SBF2: variants seen among roughly 807,000 people sequenced by gnomAD.
SBF2 encodes SET binding factor 2.
Under a neutral mutation model 225.2 loss-of-function variants are expected in SBF2, and 112 were observed. The observed-to-expected ratio is 0.50, with a 90% CI of 0.43 to 0.58. The LOEUF is 0.58. Among genes scored for constraint, SBF2 ranks in the 20% least tolerant of loss-of-function variants. The probability of loss-of-function intolerance (pLI) is 0.00; values close to 1 mark genes in which losing one functional copy is unlikely to be tolerated. For missense variants in SBF2, 1,996 were observed against 2,206.2 expected (o/e 0.90, Z 1.91); for synonymous variants, 763 against 773.3 (o/e 0.99, Z 0.22).
chr11:10,021,083 A>G (rs185457271), intron 6 of SBF2, among the ~76,000 whole-genome samples: 1 of 152,288 alleles, frequency 6.6e-6, no homozygotes, highest in East Asian at 1.9e-4. Context: ...TAACTGTGGA[A>G]ACAAAGTGTT....
intron 2 of SBF2, among the ~76,000 whole-genome samples, chr11:10,185,871 A>T (rs72861738): frequency 6.6e-6 from 1 of 152,030 alleles, no homozygotes; most frequent in African/African-American, 2.4e-5. Flanking sequence ...TCATACATAC[A>T]CATATATATA....
chr11:9,812,236 A>T (rs1266749264), intron 30 of SBF2, among the ~76,000 whole-genome samples: 1 of 152,190 alleles, frequency 6.6e-6, no homozygotes. Context: ...ATACATGCTG[A>T]TTAAATTTAC....
At chr11:10,028,650 A>G (rs1390545343) in intron 5 of SBF2, 93 bp from the exon 6 acceptor site, 1 of 840,830 alleles carries the variant, frequency 1.2e-6, no homozygotes, top group East Asian at 2.4e-5. Context: ...TTTAGAGCAA[A>G]CGACCATGTA....
In SBF2 at chr11:9,845,722, C is replaced by T. The variant is rs771521208; in HGVS notation, c.2953G>A (p.Asp985Asn). 6.2e-7 allele frequency: 1 copy of T among 1,613,896 alleles called. No individual in the cohort carries two copies. The highest frequency in any genetic ancestry group is 8.5e-7 in the Non-Finnish European group (1 of 1,179,782). ...ACTACTTCTGGACTGACTTCTTCATCAAATGCTACCTTAATCAACTAGAAG... is the reference window on the plus strand; with the variant it reads ...ACTACTTCTGGACTGACTTCTTCATTAAATGCTACCTTAATCAACTAGAAG... ...ASFQLIKVAF[D>N]EEVSPEVVEI... The change falls in exon 24 of 40, where the codon GAT becomes AAT. Residue 985 changes from aspartate to asparagine, a missense_variant. By Grantham distance (23) the Asp-to-Asn change is conservative. Coordinates refer to ENST00000256190, the MANE Select transcript of SBF2 (RefSeq NM_030962.4).
intron 17 of SBF2, among the ~76,000 whole-genome samples, chr11:9,880,328 G>A (rs2134080744): frequency 6.6e-6 from 1 of 152,182 alleles, no homozygotes; most frequent in East Asian, 1.9e-4. Flanking sequence ...AAACTGAAGA[G>A]GTTTTACATA....
intron 32 of SBF2, among the ~76,000 whole-genome samples, chr11:9,799,956 G>T (rs1310482829): frequency 2.6e-5 from 4 of 152,166 alleles, no homozygotes; most frequent in Non-Finnish European, 5.9e-5. Flanking sequence ...ATAAGCTGTT[G>T]GCCGGGCATA....
At chr11:10,227,415 G>A (rs112735877) in intron 1 of SBF2, among the ~76,000 whole-genome samples, 59,993 of 151,834 alleles carry the variant, frequency 0.4, 12,873 homozygotes, top group Non-Finnish European at 0.48. Flanking sequence ...GTCCTGAATG[G>A]TATTGCCTAG....
At chr11:9,956,879 A>G (rs1866208742) in intron 16 of SBF2, 1 of 152,202 alleles carries the variant, frequency 6.6e-6, no homozygotes, top group Non-Finnish European at 1.5e-5. Context: ...GGGATACAAA[A>G]TTTCAAGTGT....
chr11:10,247,425 A>C (rs1331233025), intron 1 of SBF2, among the ~76,000 whole-genome samples: 1 of 151,996 alleles, frequency 6.6e-6, no homozygotes, highest in East Asian at 1.9e-4. Context: ...TCATACCTGT[A>C]ATGCCAGCAT....
chr11:9,936,273 G>T (rs533904507), intron 16 of SBF2, among the ~76,000 whole-genome samples: 204 of 152,324 alleles, frequency 1.3e-3, no homozygotes, highest in African/African-American at 4.7e-3. Flanking sequence ...ACACCAGTTA[G>T]AATGGTGATC....
At chr11:10,010,298 A>G (rs1209608542) in intron 6 of SBF2, among the ~76,000 whole-genome samples, 1 of 152,164 alleles carries the variant, frequency 6.6e-6, no homozygotes, top group African/African-American at 2.4e-5. Context: ...TTGGTGTTTT[A>G]GACATGAAGT....
rs369684158 is a variant in SBF2 at position 9,815,113 on chromosome 11, T to C, written c.3978+1727A>G. Among the ~76,000 whole-genome samples, 21 of 152,146 alleles carry C rather than the reference T, an allele frequency of 1.4e-4. No homozygotes were observed. In the East Asian group the frequency reaches 3.1e-3, roughly 22 times the overall value. ...GAATATATAGAATAGCTGACAACTA[T>C]TGTGCCAGAATGGTGGGATTACATT... On this transcript the variant is annotated intron_variant, in intron 29 of 39. Transcript: ENST00000256190.
intron 16 of SBF2, among the ~76,000 whole-genome samples, chr11:9,918,874 G>A (rs1202604369): frequency 1.3e-5 from 2 of 151,742 alleles, no homozygotes. Flanking sequence ...GAGTAGCTGG[G>A]ACTACAGGCG....
chr11:9,946,575 C>T (rs1230872231), intron 16 of SBF2, among the ~76,000 whole-genome samples: 4 of 151,702 alleles, frequency 2.6e-5, no homozygotes, highest in Non-Finnish European at 5.9e-5. Context: ...TTCAGCCTCC[C>T]GAGTAGCTGG....
At chr11:9,922,573 C>CT (rs113227893) in intron 16 of SBF2, among the ~76,000 whole-genome samples, 24,223 of 151,946 alleles carry the variant, frequency 0.16, 2,086 homozygotes, top group East Asian at 0.39. Flanking sequence ...GAATTCAAAA[C>CT]TTTTTTTTAT....
intron 2 of SBF2, among the ~76,000 whole-genome samples, chr11:10,143,776 A>G (rs1954760701): frequency 6.6e-6 from 1 of 151,836 alleles, no homozygotes; most frequent in Non-Finnish European, 1.5e-5. Flanking sequence ...GGACTGCAGT[A>G]GCGCTATCTT....
At chr11:10,206,222 G>A (rs998751839) in intron 1 of SBF2, among the ~76,000 whole-genome samples, 3 of 150,920 alleles carry the variant, frequency 2.0e-5, no homozygotes, top group African/African-American at 7.3e-5. Context: ...ACCTCAGGCA[G>A]CACCAGTGGG....
At chr11:10,214,808 C>G (rs1958068624) in intron 1 of SBF2, among the ~76,000 whole-genome samples, 1 of 152,178 alleles carries the variant, frequency 6.6e-6, no homozygotes, top group Admixed American at 6.5e-5. Context: ...CCCTGAGGAT[C>G]TGTTGCCCAA....
At chr11:9,958,460 G>A (rs1866337085) in intron 16 of SBF2, 2 of 151,364 alleles carry the variant, frequency 1.3e-5, no homozygotes, top group African/African-American at 4.9e-5. Flanking sequence ...TGGGGTTCAC[G>A]CCATTCTCCT....
Sources: gnomAD v4.1 joint callset for allele counts (sites outside exome capture counted in the v4.1 genomes callset) on GRCh38, gnomAD v4.1.1 for gene constraint, MANE v1.5 for transcripts, NCBI Gene and HGNC (gene_info 2026-07-23, HGNC 2026-07-21) for gene names.